The following HSF1 variants were observed in gnomAD, a reference collection of about 807,000 sequenced individuals.
HSF1 encodes heat shock factor protein 1.
A neutral mutation model predicts 51.7 loss-of-function variants in HSF1; 32 were observed. That is an observed-to-expected ratio of 0.62 (90% CI 0.47 to 0.83). The LOEUF (loss-of-function observed/expected upper bound fraction) is 0.83, where lower values mean the gene tolerates loss of function less well. HSF1 is among the 40% of genes least tolerant of loss of function. The probability of loss-of-function intolerance (pLI) is 0.00; values close to 1 mark genes in which losing one functional copy is unlikely to be tolerated. For synonymous variants in HSF1, 396 were observed against 309.7 expected (o/e 1.28, Z -2.92); for missense variants, 727 against 717.0 (o/e 1.01, Z -0.16).
At chr8:144,310,876 C>G (rs1186325479) in intron 4 of HSF1, 1 of 476,754 alleles carries the variant, frequency 2.1e-6, no homozygotes, top group Non-Finnish European at 3.8e-6. Context: ...CCAAGGCAGC[C>G]CTCCAGGTGT....
chr8:144,295,989 G>T (rs1554841223), intron 1 of HSF1, among the ~76,000 whole-genome samples: 1 of 152,174 alleles, frequency 6.6e-6, no homozygotes, highest in African/African-American at 2.4e-5. Flanking sequence ...CAGCTGGAAA[G>T]ACTCTAGAAG....
chr8:144,304,440 G>T (rs1455970231), intron 1 of HSF1, among the ~76,000 whole-genome samples: 1 of 152,126 alleles, frequency 6.6e-6, no homozygotes, highest in Non-Finnish European at 1.5e-5. Flanking sequence ...AGCTTTGCCG[G>T]ATATTGAATT....
intron 9 of HSF1, chr8:144,313,096 G>A (rs1250190066): frequency 7.6e-6 from 3 of 395,162 alleles, no homozygotes; most frequent in Non-Finnish European, 4.7e-6. Context: ...CCACCAGACC[G>A]TGGGTCTCAT....
At chr8:144,303,301 G>C (rs1417036190) in intron 1 of HSF1, among the ~76,000 whole-genome samples, 2 of 152,036 alleles carry the variant, frequency 1.3e-5, no homozygotes, top group African/African-American at 4.8e-5. Flanking sequence ...AGCTTTTCCT[G>C]TGCAGGTGAA....
At position 144,310,008 on chromosome 8, in the gene HSF1, C is replaced by A. The variant is rs985753496; in HGVS notation, c.488+112C>A. On this transcript the variant is annotated intron_variant, in intron 4 of 12. Transcript: ENST00000528838. The stretch of plus-strand genomic sequence containing the variant: ...GGGGCCAGGTGCTCAGCTCCACCCT[C>A]CCGCTCCACGCACATCTACCCTGGG... 4.6e-6 allele frequency: 6 copies of A among 1,294,998 alleles called. No individual in the cohort carries two copies. In the African/African-American group the frequency reaches 7.5e-5, roughly 16 times the overall value. The allele number at this position is 1,294,998 out of a possible 1,614,324, so 80.2% of individuals were successfully genotyped here. A position where few individuals can be genotyped will look rare whatever the true frequency, so the allele number is the denominator to read the frequency against.
Position 144,314,637 on chromosome 8 carries a change from G to A in HSF1, c.*307G>A, listed in dbSNP as rs1002068617. On this transcript the variant is annotated 3_prime_UTR_variant, in exon 13 of 13. Coordinates refer to ENST00000528838, the MANE Select transcript of HSF1 (RefSeq NM_005526.4). ...TTTTTACACAACTGTCCCGTTCCCC[G>A]CTCCACAGAGATACACAGATATATA... 1.5e-4 allele frequency: 65 copies of A among 432,128 alleles called. No homozygotes were observed. The highest frequency in any genetic ancestry group is 9.6e-4 in the African/African-American group (49 of 50,844). 26.8% of individuals were successfully genotyped at this position (432,128 alleles called of 1,614,324 possible).
Position 144,311,809 on chromosome 8 carries a change from C to T in HSF1, c.833C>T (p.Ala278Val), listed in dbSNP as rs1554844669. The change falls in exon 8 of 13, where the codon GCC (alanine) becomes GTC (valine). Residue 278 changes from alanine (A) to valine (V), a missense_variant. Ala to Val is a moderately conservative substitution (Grantham distance 64, BLOSUM62 0). This residue lies in a region of HSF1 where 470 missense variants were observed against 398.8 expected (regional missense o/e 1.18). Transcript: ENST00000528838. ...GAGCTGGCTCCTGCCAGCCCCATGG[C>T]CTCCCCCGGCGGGAGCATAGACGAG... The part of the protein sequence containing the change: ...ITELAPASPM[A>V]SPGGSIDERP... 6 of 1,611,010 alleles carry T rather than the reference C, an allele frequency of 3.7e-6. No individual in the cohort carries two copies. The highest frequency in any genetic ancestry group is 1.7e-5 in the Admixed American group (1 of 59,850).
At position 144,311,768 on chromosome 8, in the gene HSF1, C is replaced by T. The variant is rs1228083269; in HGVS notation, c.792C>T (p.Ile264=). ...APDAVASSGP[I]ISDITELAPA... ...ATGCTGTGGCCAGCTCTGGACCCATCATCTCCGACATCACCGAGCTGGCTC... is the reference window on the plus strand; with the variant it reads ...ATGCTGTGGCCAGCTCTGGACCCATTATCTCCGACATCACCGAGCTGGCTC... The change falls in exon 8 of 13, where the codon ATC becomes ATT. Residue 264 remains isoleucine, a synonymous_variant. Transcript: ENST00000528838. The T allele has an allele frequency of 3.1e-6, 5 of 1,612,706 alleles. No individual in the cohort carries two copies. Among genetic ancestry groups the T allele is most frequent in the Non-Finnish European group, 2.5e-6 (3 of 1,179,824 alleles).
In HSF1 at chr8:144,312,185, T is replaced by TGGCCA; in HGVS notation, c.1083_1084insGGCCA (p.Pro362GlyfsTer17). 1.3e-6 allele frequency: 2 copies of TGGCCA among 1,532,944 alleles called. No individual in the cohort carries two copies. Among genetic ancestry groups the TGGCCA allele is most frequent in the Non-Finnish European group, 8.9e-7 (1 of 1,117,504 alleles). The allele number at this position is 1,532,944 out of a possible 1,614,324, so 95.0% of individuals were successfully genotyped here. A position where few individuals can be genotyped will look rare whatever the true frequency, so the allele number is the denominator to read the frequency against. ...GCCACACGGACACCGAGGGCCGGCC[T>TGGCCA]CCCTCCCCCCCGCCCACCTCCACCC... On this transcript the variant is annotated frameshift_variant, in exon 9 of 13. Transcript: ENST00000528838. LOFTEE classifies it high-confidence loss of function.
At position 144,291,937 on chromosome 8, in the gene HSF1, G is replaced by C; in HGVS notation, c.117+63G>C. The C allele has an allele frequency of 1.2e-6, 1 of 844,694 alleles. No individual in the cohort carries two copies. Among genetic ancestry groups the C allele is most frequent in the Admixed American group, 4.3e-5 (1 of 23,224 alleles). 52.3% of individuals were successfully genotyped at this position (844,694 alleles called of 1,614,324 possible). A position where few individuals can be genotyped will look rare whatever the true frequency, so the allele number is the denominator to read the frequency against. ...GGGAGGGAGCAGGGCCGCGGCGGAC[G>C]GCGCGGGAGGGCTGCGGGGAGGGGC... On this transcript the variant is annotated intron_variant, in intron 1 of 12. Coordinates refer to ENST00000528838, the MANE Select transcript of HSF1 (RefSeq NM_005526.4). The surrounding 1 kb of genome is among the most constrained non-coding windows in gnomAD (Gnocchi z 4.1).
rs377258216 is a variant in HSF1 at position 144,312,153 on chromosome 8, G to A, written c.1051G>A (p.Ala351Thr). ...CGCCTCCGTCACAGCCCTCACGGACGCCAGGGGCCACACGGACACCGAGGG... is the reference window on the plus strand; with the variant it reads ...CGCCTCCGTCACAGCCCTCACGGACACCAGGGGCCACACGGACACCGAGGG... ...APASVTALTD[A>T]RGHTDTEGRP... is the part of the protein sequence containing the mutation. Residue 351 changes from alanine (A) to threonine (T), a missense_variant, in exon 9 of 13, where the codon GCC becomes ACC. Ala to Thr is a moderately conservative substitution (Grantham distance 58). Around this residue, in one of 2 missense-constraint regions of HSF1, gnomAD observed 470 missense variants for 398.8 expected, o/e 1.18. Transcript: ENST00000528838. 1.2e-4 allele frequency: 198 copies of A among 1,611,142 alleles called. No individual in the cohort carries two copies. The highest frequency in any genetic ancestry group is 5.5e-4 in the Admixed American group (33 of 60,000).
At position 144,313,493 on chromosome 8, in the gene HSF1, C is replaced by T. The variant is rs188149925; in HGVS notation, c.1143-18C>T. 23 of 1,551,290 alleles carry T rather than the reference C, an allele frequency of 1.5e-5. No individual in the cohort carries two copies. The highest frequency in any genetic ancestry group is 6.8e-5 in the African/African-American group (5 of 73,798). The stretch of plus-strand genomic sequence containing the variant: ...GGGCCTGGGGCACTGGTTCAGGTAC[C>T]GCCTTATCCCGGGCCAGGAATGAGC... On this transcript the variant is annotated intron_variant, in intron 9 of 12. Transcript: ENST00000528838.
chr8:144,309,966 G>A (rs967556661), intron 4 of HSF1, 70 bp downstream of exon 4: 59 of 1,558,530 alleles, frequency 3.8e-5, no homozygotes, highest in Middle Eastern at 2.2e-4. Flanking sequence ...GGGTGCTGTG[G>A]GGGCAGGGCC....
At chr8:144,306,248 G>A (rs111264872) in intron 1 of HSF1, among the ~76,000 whole-genome samples, 92 of 148,588 alleles carry the variant, frequency 6.2e-4, no homozygotes, top group African/African-American at 2.1e-3. Flanking sequence ...CAATGTTTTG[G>A]CTTCTTTGGG....
intron 1 of HSF1, among the ~76,000 whole-genome samples, chr8:144,304,502 A>C (rs1816089185): frequency 1.3e-5 from 2 of 151,884 alleles, no homozygotes; most frequent in African/African-American, 4.8e-5. Flanking sequence ...CTGGTCTCCA[A>C]CTCCTGGGCT....
intron 9 of HSF1, chr8:144,312,841 C>G: frequency 1.3e-6 from 1 of 788,044 alleles, no homozygotes; most frequent in East Asian, 2.7e-5. Context: ...CGAGACCCCT[C>G]TGTGGCGGGG....
chr8:144,294,504 G>A (rs1815327726), intron 1 of HSF1, among the ~76,000 whole-genome samples: 1 of 152,238 alleles, frequency 6.6e-6, no homozygotes, highest in Non-Finnish European at 1.5e-5. Context: ...AGAAGATGAG[G>A]CAGAATCACA....
At chr8:144,298,037 G>A (rs1157953408) in intron 1 of HSF1, among the ~76,000 whole-genome samples, 5 of 152,310 alleles carry the variant, frequency 3.3e-5, no homozygotes, top group East Asian at 1.9e-4. Context: ...GTGGCATCTC[G>A]CACCAGCCAG....
intron 9 of HSF1, chr8:144,312,571 G>A: frequency 7.1e-7 from 1 of 1,412,646 alleles, no homozygotes; most frequent in South Asian, 1.2e-5. Flanking sequence ...AGCAGGGCCG[G>A]CCTCCACACC....
Sources: allele counts gnomAD v4.1 joint callset (sites outside exome capture counted in the v4.1 genomes callset), GRCh38; gene constraint gnomAD v4.1.1; regional missense constraint gnomAD v4.1.1; non-coding constraint Gnocchi (gnomAD v3.1); transcripts MANE v1.5; gene names NCBI Gene and HGNC (gene_info 2026-07-23, HGNC 2026-07-21).